The following FOXJ2 variants were observed in gnomAD, a reference collection of about 807,000 sequenced individuals.
The protein encoded by FOXJ2 is forkhead box J2, also known as forkhead box protein J2.
Under a neutral mutation model 68.4 loss-of-function variants are expected in FOXJ2, and 18 were observed. The ratio of observed to expected loss-of-function variants is 0.26; its 90% CI spans 0.18 to 0.39. The LOEUF (loss-of-function observed/expected upper bound fraction) is 0.39. Ranked by LOEUF, FOXJ2 falls within the 10% of genes least tolerant of loss-of-function variation. The pLI, the probability that FOXJ2 is intolerant of heterozygous loss-of-function variation, is 1.00. For missense variants in FOXJ2, 670 were observed against 726.5 expected, an observed-to-expected ratio of 0.92 and a Z score of 0.89; for synonymous variants, 274 against 263.2, an observed-to-expected ratio of 1.04 and a Z score of -0.40.
In FOXJ2 at chr12:8,040,255, G is replaced by A; in HGVS notation, c.333+90G>A. Reference sequence around the variant, plus strand: ...TTTGTTTCTTCTTGTAACCTGTTCAGTTTACTCTGGTTTGTCTCAGAGATG... The same window carrying A: ...TTTGTTTCTTCTTGTAACCTGTTCAATTTACTCTGGTTTGTCTCAGAGATG... On this transcript the variant is annotated intron_variant, in intron 2 of 10. Transcript: ENST00000162391. The surrounding 1 kb of genome is among the most constrained non-coding windows in gnomAD (Gnocchi z 4.0). The A allele has an allele frequency of 7.7e-7, 1 of 1,294,142 alleles. No homozygotes were observed. The highest frequency in any genetic ancestry group is 1.1e-6 in the Non-Finnish European group (1 of 936,344). 80.2% of individuals were successfully genotyped at this position (1,294,142 alleles called of 1,614,324 possible).
chr12:8,044,092 G>A lies in FOXJ2; in HGVS notation c.618+1G>A. ...CACATCTATAGCCAGCTACAGCCAG[G>A]TAGGAAGCAGATATGGCAGGGGTCA... On this transcript the variant is annotated splice_donor_variant, in intron 5 of 10. Transcript: ENST00000162391. LOFTEE classifies it high-confidence loss of function. 1 of 1,528,558 alleles carries A rather than the reference G, an allele frequency of 6.5e-7. No individual in the cohort carries two copies. Among genetic ancestry groups the A allele is most frequent in the East Asian group, 2.3e-5 (1 of 43,870 alleles). The allele number at this position is 1,528,558 out of a possible 1,614,324, so 94.7% of individuals were successfully genotyped here. A position where few individuals can be genotyped will look rare whatever the true frequency, so the allele number is the denominator to read the frequency against.
rs1368691975 is a variant in FOXJ2, at chr12:8,053,794, A to G, written c.*944A>G. 1 of 152,186 alleles carries G rather than the reference A, an allele frequency of 6.6e-6. No homozygotes were observed. The highest frequency in any genetic ancestry group is 2.4e-5 in the African/African-American group (1 of 41,434). 9.4% of individuals were successfully genotyped at this position (152,186 alleles called of 1,614,324 possible). On this transcript the variant is annotated 3_prime_UTR_variant, in exon 11 of 11. Transcript: ENST00000162391. This position sits in a 1 kb window ranked among gnomAD's most constrained non-coding sequence, Gnocchi z 4.1. ...TGGCTCTTATTTGCATTTACGAATG[A>G]TCTTCCCATCCCTTTTTCCCATTCA... is the stretch of plus-strand genomic sequence containing the variant.
At position 8,032,732 on chromosome 12, in the gene FOXJ2, G is replaced by GAGCCCGAGCCCGCGCCGAGCCC; in HGVS notation, c.-1115_-1094dup. The GAGCCCGAGCCCGCGCCGAGCCC allele has an allele frequency of 1.3e-5, 5 of 394,442 alleles. No individual in the cohort carries two copies. The highest frequency in any genetic ancestry group is 2.2e-5 in the Non-Finnish European group (5 of 223,406). 24.4% of individuals were successfully genotyped at this position (394,442 alleles called of 1,614,324 possible). ...CCGGGGCCTGCAGCGGAGCCGAGCCGAGCCCGAGCCCGCGCCGAGCCCTGA... is the reference window on the plus strand; with the variant it reads ...CCGGGGCCTGCAGCGGAGCCGAGCCGAGCCCGAGCCCGCGCCGAGCCCAGCCCGAGCCCGCGCCGAGCCCTGA... On this transcript the variant is annotated 5_prime_UTR_variant, in exon 1 of 11. Transcript: ENST00000162391. The surrounding 1 kb of genome is among the most constrained non-coding windows in gnomAD (Gnocchi z 4.8).
intron 1 of FOXJ2, among the ~76,000 whole-genome samples, chr12:8,036,367 C>T (rs7955798): frequency 0.3 from 46,195 of 152,136 alleles, 7,558 homozygotes; most frequent in Middle Eastern, 0.42. Flanking sequence ...TCTTTCACTC[C>T]GAGAATGTCT....
At chr12:8,050,355 A>G in intron 9 of FOXJ2, 167 bp from the exon 10 acceptor site, 1 of 1,386,236 alleles carries the variant, frequency 7.2e-7, no homozygotes, top group Non-Finnish European at 9.3e-7. Flanking sequence ...CTCAGTGGTG[A>G]GGACTGACAG....
At chr12:8,042,836 A>AT in intron 3 of FOXJ2, 104 bp downstream of exon 3, 2 of 943,200 alleles carry the variant, frequency 2.1e-6, no homozygotes, top group Non-Finnish European at 3.3e-6. Context: ...AGAGGAAATC[A>AT]TGCTAATTAG....
intron 1 of FOXJ2, among the ~76,000 whole-genome samples, chr12:8,034,980 G>C (rs1946878218): frequency 6.6e-6 from 1 of 152,168 alleles, no homozygotes; most frequent in Admixed American, 6.5e-5. Flanking sequence ...CTCACAGCAA[G>C]GACAAGTTGT....
At chr12:8,045,802 C>G (rs901557741) in intron 6 of FOXJ2, among the ~76,000 whole-genome samples, 1 of 151,996 alleles carries the variant, frequency 6.6e-6, no homozygotes, top group African/African-American at 2.4e-5. Flanking sequence ...GGATTACAGG[C>G]TCCCGCCACC....
chr12:8,038,950 A>G lies in FOXJ2; in HGVS notation c.-14-869A>G, dbSNP rs905983229. On this transcript the variant is annotated intron_variant, in intron 1 of 10. Coordinates refer to ENST00000162391, the MANE Select transcript of FOXJ2 (RefSeq NM_018416.3). This position sits in a 1 kb window ranked among gnomAD's most constrained non-coding sequence, Gnocchi z 5.3. ...CTATCTGATTGTTACCGGTAGGCAC[A>G]CAGCTGGGTGTCTCCCTGGCTCGGT... is the stretch of plus-strand genomic sequence containing the variant. Among the ~76,000 whole-genome samples, 2 of 152,148 alleles carry G rather than the reference A, an allele frequency of 1.3e-5. No individual in the cohort carries two copies. Among genetic ancestry groups the G allele is most frequent in the African/African-American group, 4.8e-5 (2 of 41,422 alleles).
chr12:8,040,501 A>G lies in FOXJ2; in HGVS notation c.333+336A>G, dbSNP rs1946951376. 6.6e-6 allele frequency among the ~76,000 whole-genome samples: 1 copy of G among 151,150 alleles called. No individual in the cohort carries two copies. The highest frequency in any genetic ancestry group is 1.5e-5 in the Non-Finnish European group (1 of 67,848). On this transcript the variant is annotated intron_variant, in intron 2 of 10. Coordinates refer to ENST00000162391, the MANE Select transcript of FOXJ2 (RefSeq NM_018416.3). This position sits in a 1 kb window ranked among gnomAD's most constrained non-coding sequence, Gnocchi z 4.0. Reference sequence around the variant, plus strand: ...CAATGGCATGATCTCGGCTCACTGCAACTTCCACCTCCCAGGTTCAAGCGA... The same window carrying G: ...CAATGGCATGATCTCGGCTCACTGCGACTTCCACCTCCCAGGTTCAAGCGA...
rs371639737 is a variant in FOXJ2, at chr12:8,054,905, A to C, written c.*2055A>C. ...TCTTTTCTAAACCCTTTTCCTGTTC[A>C]GATCCATACAGGATTTGCAAGGGTA... On this transcript the variant is annotated 3_prime_UTR_variant, in exon 11 of 11. Transcript: ENST00000162391. The C allele has an allele frequency of 2.0e-5, 3 of 152,360 alleles. No individual in the cohort carries two copies. In the East Asian group the frequency reaches 5.8e-4, roughly 29 times the overall value. The allele number at this position is 152,360 out of a possible 1,614,324, so 9.4% of individuals were successfully genotyped here. A position where few individuals can be genotyped will look rare whatever the true frequency, so the allele number is the denominator to read the frequency against.
rs758222583 is a variant in FOXJ2 at position 8,051,698 on chromosome 12, A to G, written c.1637-1064A>G. 1.4e-4 allele frequency among the ~76,000 whole-genome samples: 21 copies of G among 152,320 alleles called. No homozygotes were observed. In the East Asian group the frequency reaches 4.1e-3, roughly 29 times the overall value. ...AGGGAGACACTAAATTGCCACAGAC[A>G]GAACAAAATGAACAGGTCCTTCACA... On this transcript the variant is annotated intron_variant, in intron 10 of 10. Transcript: ENST00000162391.
chr12:8,043,515 C>G (rs748014592), intron 3 of FOXJ2, among the ~76,000 whole-genome samples, 186 bp from the exon 4 acceptor site: 2 of 152,280 alleles, frequency 1.3e-5, no homozygotes, highest in South Asian at 4.1e-4. Flanking sequence ...ACATTTCCAG[C>G]TCTTTGAGCT....
In FOXJ2 at chr12:8,033,584, A is replaced by G. The variant is rs1470244131; in HGVS notation, c.-264A>G. On this transcript the variant is annotated 5_prime_UTR_variant, in exon 1 of 11. Transcript: ENST00000162391. ...TCCTCCCCTCCTCCCCCGGGTAACA[A>G]GCAGGGTGTGGGGGGTGTGCCACCT... 6.5e-6 allele frequency: 1 copy of G among 152,680 alleles called. No individual in the cohort carries two copies. Among genetic ancestry groups the G allele is most frequent in the Non-Finnish European group, 1.5e-5 (1 of 68,168 alleles). 9.5% of individuals were successfully genotyped at this position (152,680 alleles called of 1,614,324 possible). A position where few individuals can be genotyped will look rare whatever the true frequency, so the allele number is the denominator to read the frequency against.
Position 8,052,823 on chromosome 12 carries a change from T to C in FOXJ2, c.1698T>C (p.Asp566=). The C allele has an allele frequency of 6.2e-7, 1 of 1,608,260 alleles. No homozygotes were observed. The highest frequency in any genetic ancestry group is 8.5e-7 in the Non-Finnish European group (1 of 1,176,596). Residue 566 remains aspartate (D), a synonymous_variant, in exon 11 of 11, where the codon GAT becomes GAC. Transcript: ENST00000162391. The part of the protein sequence containing the change: ...PPPGANEEIP[D]DFDWDLIT ...CTGGTGCCAATGAGGAGATCCCTGA[T>C]GACTTCGACTGGGACTTGATCACTT...
At position 8,052,772 on chromosome 12, in the gene FOXJ2, G is replaced by C. The variant is rs1947142927; in HGVS notation, c.1647G>C (p.Met549Ile). 1 of 1,609,160 alleles carries C rather than the reference G, an allele frequency of 6.2e-7. No individual in the cohort carries two copies. Among genetic ancestry groups the C allele is most frequent in the African/African-American group, 1.3e-5 (1 of 74,800 alleles). The change falls in exon 11 of 11, where the codon ATG becomes ATC. Residue 549 changes from methionine to isoleucine, a missense_variant. This residue lies in a region of FOXJ2 where 555 missense variants were observed against 562.2 expected (regional missense o/e 0.99). Coordinates refer to ENST00000162391, the MANE Select transcript of FOXJ2 (RefSeq NM_018416.3). The stretch of plus-strand genomic sequence containing the variant: ...CTTTCTTTCTAACAGCACACCATAT[G>C]GTCCCTCGGCCATCAGTGCCACCTC... ...SAGYNRPAHHMVPRPSVPPPG... is the reference protein window; with the variant it reads ...SAGYNRPAHHIVPRPSVPPPG...
rs1432509106 is a variant in FOXJ2, at chr12:8,040,932, A to G, written c.333+767A>G. Among the ~76,000 whole-genome samples, 2 of 152,152 alleles carry G rather than the reference A, an allele frequency of 1.3e-5. No individual in the cohort carries two copies. Among genetic ancestry groups the G allele is most frequent in the South Asian group, 2.1e-4 (1 of 4,832 alleles). On this transcript the variant is annotated intron_variant, in intron 2 of 10. Transcript: ENST00000162391. The surrounding 1 kb of genome is among the most constrained non-coding windows in gnomAD (Gnocchi z 4.0). ...GCTGCATTCCAAGAAAAATCATAATATAATTAGGTTCTTTACAAACAGCTG... is the reference window on the plus strand; with the variant it reads ...GCTGCATTCCAAGAAAAATCATAATGTAATTAGGTTCTTTACAAACAGCTG...
intron 1 of FOXJ2, 38 bp from the exon 2 acceptor site, chr12:8,039,781 C>T: frequency 6.6e-7 from 1 of 1,510,614 alleles, no homozygotes; most frequent in South Asian, 1.2e-5. Flanking sequence ...GTATTACTTG[C>T]CCCCAGTATT....
rs774007130 is a variant in FOXJ2, at chr12:8,038,980, C to T, written c.-14-839C>T. 6.6e-6 allele frequency among the ~76,000 whole-genome samples: 1 copy of T among 152,232 alleles called. No homozygotes were observed. The highest frequency in any genetic ancestry group is 2.1e-4 in the South Asian group (1 of 4,824). Reference sequence around the variant, plus strand: ...TGGGTGTCTCCCTGGCTCGGTGAAGCCCAGCAGGCTGAGAGGTGGGAGGTC... The same window carrying T: ...TGGGTGTCTCCCTGGCTCGGTGAAGTCCAGCAGGCTGAGAGGTGGGAGGTC... On this transcript the variant is annotated intron_variant, in intron 1 of 10. Coordinates refer to ENST00000162391, the MANE Select transcript of FOXJ2 (RefSeq NM_018416.3). The surrounding 1 kb of genome is among the most constrained non-coding windows in gnomAD (Gnocchi z 5.3).
Sources: allele counts gnomAD v4.1 joint callset (sites outside exome capture counted in the v4.1 genomes callset), GRCh38; gene constraint gnomAD v4.1.1; regional missense constraint gnomAD v4.1.1; non-coding constraint Gnocchi (gnomAD v3.1); transcripts MANE v1.5; gene names NCBI Gene and HGNC (gene_info 2026-07-23, HGNC 2026-07-21).